Variants in CAST observed in about 807,000 individuals in gnomAD.
CAST encodes calpastatin.
A neutral mutation model predicts 119.6 loss-of-function variants in CAST; 76 were observed. That is an observed-to-expected ratio of 0.64 (90% CI 0.53 to 0.77). The LOEUF is 0.77. Ranked by LOEUF, CAST falls within the 30% of genes least tolerant of loss-of-function variation. CAST has a pLI of 0.00. For synonymous variants in CAST, 319 were observed against 331.6 expected, an observed-to-expected ratio of 0.96 and a Z score of 0.41; for missense variants, 953 against 946.5, an observed-to-expected ratio of 1.01 and a Z score of -0.09.
At chr5:96,572,866 A>C (rs1435196640) in intron 1 of CAST, among the ~76,000 whole-genome samples, 5 of 152,226 alleles carry the variant, frequency 3.3e-5, no homozygotes, top group Non-Finnish European at 7.3e-5. Context: ...AAGTGTTGGC[A>C]GTCCTGGGAA....
upstream of CAST, among the ~76,000 whole-genome samples, chr5:96,661,801 T>C (rs1351986409): frequency 2.0e-5 from 3 of 152,238 alleles, no homozygotes; most frequent in African/African-American, 7.2e-5. Context: ...TTTATTAAAA[T>C]TCGAAACTGC....
chr5:95,964,633 G>A, the CAST span, among the ~76,000 whole-genome samples: 2 of 152,134 alleles, frequency 1.3e-5, no homozygotes, highest in Non-Finnish European at 2.9e-5. Flanking sequence ...GTTGGAGGTG[G>A]TATAGATGGA....
the CAST span, among the ~76,000 whole-genome samples, chr5:96,195,202 T>G: frequency 6.6e-6 from 1 of 152,194 alleles, no homozygotes; most frequent in Non-Finnish European, 1.5e-5. Context: ...AGAGATGTGA[T>G]TACCCTCCTC....
the CAST span, among the ~76,000 whole-genome samples, chr5:96,475,178 G>T: frequency 3.3e-5 from 5 of 152,110 alleles, no homozygotes; most frequent in Non-Finnish European, 7.4e-5. Flanking sequence ...AGGTTCTGTC[G>T]GAGAGGCCCC....
At chr5:96,189,942 T>C in the CAST span, among the ~76,000 whole-genome samples, 1 of 152,356 alleles carries the variant, frequency 6.6e-6, no homozygotes, top group South Asian at 2.1e-4. Flanking sequence ...TATCTTGATC[T>C]TTCTCTTTAA....
At chr5:96,317,974 T>C in the CAST span, among the ~76,000 whole-genome samples, 1 of 152,200 alleles carries the variant, frequency 6.6e-6, no homozygotes, top group Admixed American at 6.5e-5. Context: ...CAATCCATAA[T>C]GCTGACCACA....
chr5:96,159,586 A>G, the CAST span, among the ~76,000 whole-genome samples: 1 of 152,182 alleles, frequency 6.6e-6, no homozygotes, highest in Non-Finnish European at 1.5e-5. Flanking sequence ...CAGGCAGATT[A>G]AGTTTATATA....
the CAST span, among the ~76,000 whole-genome samples, chr5:96,355,124 T>A: frequency 6.6e-6 from 1 of 152,130 alleles, no homozygotes; most frequent in Non-Finnish European, 1.5e-5. Context: ...TAACTTGTCA[T>A]CTAGGTTTTA....
At chr5:96,617,633 CAAA>C (rs542986307) in intron 1 of CAST, among the ~76,000 whole-genome samples, 14 of 149,314 alleles carry the variant, frequency 9.4e-5, no homozygotes, top group East Asian at 3.9e-4. Flanking sequence ...ACTAAAAATA[CAAA>C]AAAAAATTAG....
At chr5:96,495,992 A>G in the CAST span, among the ~76,000 whole-genome samples, 1 of 152,200 alleles carries the variant, frequency 6.6e-6, no homozygotes, top group Non-Finnish European at 1.5e-5. Flanking sequence ...AAATAAATTT[A>G]TAGGTCACTG....
intron 3 of CAST, among the ~76,000 whole-genome samples, chr5:96,717,960 T>C (rs1757482233): frequency 6.6e-6 from 1 of 152,154 alleles, no homozygotes. Context: ...AGATGGAAAC[T>C]ATTAAAAGGG....
At chr5:96,205,100 G>C in the CAST span, among the ~76,000 whole-genome samples, 2 of 152,008 alleles carry the variant, frequency 1.3e-5, no homozygotes, top group Non-Finnish European at 2.9e-5. Flanking sequence ...TCAATGGTTT[G>C]TTTTTTCACT....
At chr5:96,356,836 A>G in the CAST span, among the ~76,000 whole-genome samples, 3 of 152,130 alleles carry the variant, frequency 2.0e-5, no homozygotes, top group Non-Finnish European at 2.9e-5. Flanking sequence ...CTTCTATATG[A>G]AATTTAAAGT....
chr5:96,276,863 T>C, the CAST span, among the ~76,000 whole-genome samples: 1 of 152,230 alleles, frequency 6.6e-6, no homozygotes, highest in Admixed American at 6.5e-5. Flanking sequence ...AAGGTTTTCA[T>C]GCTTTTGTTC....
At chr5:96,735,563 A>T (rs896927418) in intron 9 of CAST, among the ~76,000 whole-genome samples, 1 of 152,258 alleles carries the variant, frequency 6.6e-6, no homozygotes, top group Non-Finnish European at 1.5e-5. Flanking sequence ...CATAGATGCC[A>T]CAATAGGATC....
At chr5:96,350,446 C>T in the CAST span, among the ~76,000 whole-genome samples, 404 of 152,058 alleles carry the variant, frequency 2.7e-3, 1 homozygote, top group Non-Finnish European at 4.2e-3. Flanking sequence ...GTCCTTTGTC[C>T]CCCACCTGTG....
the CAST span, among the ~76,000 whole-genome samples, chr5:96,170,031 G>A: frequency 6.6e-6 from 1 of 152,186 alleles, no homozygotes; most frequent in Non-Finnish European, 1.5e-5. Context: ...GTAATGTGGA[G>A]TGGGTAGCCT....
At chr5:96,198,983 T>G in the CAST span, among the ~76,000 whole-genome samples, 3 of 152,138 alleles carry the variant, frequency 2.0e-5, no homozygotes, top group Non-Finnish European at 2.9e-5. Context: ...TCTTATGACT[T>G]AAACACAGAA....
intron 1 of CAST, among the ~76,000 whole-genome samples, chr5:96,532,598 T>C (rs1398884515): frequency 1.3e-5 from 2 of 152,064 alleles, no homozygotes; most frequent in East Asian, 3.9e-4. Context: ...ACCTGGAATC[T>C]CAGCACTTTG....
Sources: allele counts gnomAD v4.1 joint callset (sites outside exome capture counted in the v4.1 genomes callset), GRCh38; gene constraint gnomAD v4.1.1; transcripts MANE v1.5; gene names NCBI Gene and HGNC (gene_info 2026-07-23, HGNC 2026-07-21).